Variants in AFG1L observed in about 807,000 individuals in gnomAD.
The protein encoded by AFG1L is AFG1 like ATPase.
In AFG1L, 53 loss-of-function variants were observed where a neutral mutation model predicts 62.2. The ratio of observed to expected loss-of-function variants is 0.85; its 90% CI spans 0.68 to 1.07. The LOEUF is 1.07. Ranked by LOEUF, AFG1L falls within the 50% of genes least tolerant of loss-of-function variation. The pLI is 0.00. For missense variants in AFG1L, 555 were observed against 590.5 expected (o/e 0.94, Z 0.62); for synonymous variants, 228 against 210.3 (o/e 1.08, Z -0.73).
At chr6:108,407,624 G>A (rs1781915037) in intron 7 of AFG1L, among the ~76,000 whole-genome samples, 1 of 151,776 alleles carries the variant, frequency 6.6e-6, no homozygotes, top group South Asian at 2.1e-4. Context: ...GGTAGAGGCT[G>A]CAGTGAGCCA....
intron 2 of AFG1L, among the ~76,000 whole-genome samples, chr6:108,339,020 G>T (rs1778577689): frequency 6.6e-6 from 1 of 151,832 alleles, no homozygotes; most frequent in Non-Finnish European, 1.5e-5. Flanking sequence ...TTGCCATGAT[G>T]GTATTTCATT....
At chr6:108,323,657 G>A (rs1777909395) in intron 1 of AFG1L, among the ~76,000 whole-genome samples, 168 bp from the exon 2 acceptor site, 1 of 152,114 alleles carries the variant, frequency 6.6e-6, no homozygotes, top group Non-Finnish European at 1.5e-5. Context: ...CACCATGCCT[G>A]GCTGAAAATG....
chr6:108,513,534 A>G (rs1167047159), intron 11 of AFG1L, among the ~76,000 whole-genome samples: 2 of 152,174 alleles, frequency 1.3e-5, no homozygotes, highest in Admixed American at 1.3e-4. Flanking sequence ...GCAGTCTGAG[A>G]TCAAACTGCA....
At chr6:108,507,039 C>T (rs976328162) in intron 10 of AFG1L, among the ~76,000 whole-genome samples, 2 of 152,066 alleles carry the variant, frequency 1.3e-5, no homozygotes, top group Admixed American at 1.3e-4. Flanking sequence ...GAAAAAACTT[C>T]CTTCTTTGAT....
At chr6:108,305,718 C>T (rs1339959892) in intron 1 of AFG1L, among the ~76,000 whole-genome samples, 1 of 152,104 alleles carries the variant, frequency 6.6e-6, no homozygotes, top group Non-Finnish European at 1.5e-5. Flanking sequence ...CAGTCGTGAG[C>T]TACCACACCA....
chr6:108,441,150 A>G (rs528873879), intron 7 of AFG1L, among the ~76,000 whole-genome samples: 4 of 152,318 alleles, frequency 2.6e-5, no homozygotes, highest in African/African-American at 7.2e-5. Context: ...TTTCTCCACA[A>G]TGTCTTTATT....
At chr6:108,352,532 T>C (rs1779123716) in intron 3 of AFG1L, among the ~76,000 whole-genome samples, 1 of 152,202 alleles carries the variant, frequency 6.6e-6, no homozygotes, top group Admixed American at 6.5e-5. Context: ...GCTATAATAG[T>C]TGTTATACTA....
At position 108,525,495 on chromosome 6, in the gene AFG1L, A is replaced by G. The variant is rs533895762; in HGVS notation, c.*3070A>G. 9.8e-5 allele frequency: 15 copies of G among 152,338 alleles called. No homozygotes were observed. Among genetic ancestry groups the G allele is most frequent in the African/African-American group, 2.9e-4 (12 of 41,576 alleles). 9.4% of individuals were successfully genotyped at this position (152,338 alleles called of 1,614,324 possible). A position where few individuals can be genotyped will look rare whatever the true frequency, so the allele number is the denominator to read the frequency against. On this transcript the variant is annotated 3_prime_UTR_variant, in exon 13 of 13. Coordinates refer to ENST00000368977, the MANE Select transcript of AFG1L (RefSeq NM_145315.5). ...TACTTATAAGTGTGCAAATGACATA[A>G]TTTTAAAATTAGTTGGAATATTGAA...
chr6:108,414,944 T>C (rs1287716898), intron 7 of AFG1L, among the ~76,000 whole-genome samples: 1 of 152,082 alleles, frequency 6.6e-6, no homozygotes, highest in African/African-American at 2.4e-5. Flanking sequence ...GGGAAAGAAA[T>C]AAAGGGTATT....
chr6:108,320,239 A>G (rs1288977057), intron 1 of AFG1L, among the ~76,000 whole-genome samples: 2 of 152,194 alleles, frequency 1.3e-5, no homozygotes, highest in African/African-American at 4.8e-5. Context: ...ACATCAGTAC[A>G]TGGAGGCTAT....
chr6:108,461,906 A>G (rs1287218498), intron 8 of AFG1L, among the ~76,000 whole-genome samples: 1 of 152,114 alleles, frequency 6.6e-6, no homozygotes, highest in Non-Finnish European at 1.5e-5. Context: ...CATCCTGGCT[A>G]ACACGTTGAA....
At chr6:108,451,157 A>C (rs2114759731) in intron 8 of AFG1L, among the ~76,000 whole-genome samples, 1 of 152,272 alleles carries the variant, frequency 6.6e-6, no homozygotes, top group South Asian at 2.1e-4. Context: ...CAAAAACATA[A>C]AAAACAAAAT....
At chr6:108,405,628 A>G (rs1781818447) in intron 7 of AFG1L, among the ~76,000 whole-genome samples, 1 of 152,174 alleles carries the variant, frequency 6.6e-6, no homozygotes, top group Admixed American at 6.5e-5. Flanking sequence ...ATTACAGGCA[A>G]GAGTCACCAC....
intron 10 of AFG1L, among the ~76,000 whole-genome samples, chr6:108,488,718 A>G (rs1773663770): frequency 6.6e-6 from 1 of 151,402 alleles, no homozygotes; most frequent in Non-Finnish European, 1.5e-5. Flanking sequence ...AAAAAAAAAA[A>G]TTAGCTGAGT....
chr6:108,410,558 A>G (rs1024220833), intron 7 of AFG1L, among the ~76,000 whole-genome samples: 2 of 152,244 alleles, frequency 1.3e-5, no homozygotes, highest in Non-Finnish European at 2.9e-5. Context: ...TGTTTTGGAT[A>G]TATGATAATT....
At chr6:108,309,336 T>C (rs1487237885) in intron 1 of AFG1L, among the ~76,000 whole-genome samples, 3 of 152,200 alleles carry the variant, frequency 2.0e-5, no homozygotes, top group Admixed American at 6.5e-5. Context: ...GCTTCTATTT[T>C]GTTCCATTGG....
intron 7 of AFG1L, among the ~76,000 whole-genome samples, chr6:108,437,106 G>T (rs1173855233): frequency 6.6e-6 from 1 of 152,162 alleles, no homozygotes; most frequent in Non-Finnish European, 1.5e-5. Context: ...TGAGGGATCT[G>T]CCCTCAGGAC....
Position 108,439,543 on chromosome 6 carries a change from A to T in AFG1L, c.808-7671A>T, listed in dbSNP as rs1771452195. Among the ~76,000 whole-genome samples the T allele has an allele frequency of 2.0e-5, 3 of 152,206 alleles. No homozygotes were observed. In the South Asian group the frequency reaches 6.2e-4, roughly 32 times the overall value. On this transcript the variant is annotated intron_variant, in intron 7 of 12. Coordinates refer to ENST00000368977, the MANE Select transcript of AFG1L (RefSeq NM_145315.5). ...ATACTGTATGATTTCACTTATAAAA[A>T]GCTCCAGAAACAGGCAAAATTCTAT...
intron 10 of AFG1L, among the ~76,000 whole-genome samples, chr6:108,504,839 A>T (rs185317580): frequency 1.3e-5 from 2 of 152,300 alleles, no homozygotes; most frequent in Admixed American, 1.3e-4. Context: ...AGCTGAGCTT[A>T]CTTTTGGCAG....
Sources: allele counts gnomAD v4.1 joint callset (sites outside exome capture counted in the v4.1 genomes callset), GRCh38; gene constraint gnomAD v4.1.1; transcripts MANE v1.5; gene names NCBI Gene and HGNC (gene_info 2026-07-23, HGNC 2026-07-21).